Variants in ENTREP1 observed in about 807,000 individuals in gnomAD.
The protein encoded by ENTREP1 is Friedreich ataxia region gene X123.
the ENTREP1 span, among the ~76,000 whole-genome samples, chr9:69,350,709 T>C: frequency 6.6e-6 from 1 of 152,218 alleles, no homozygotes; most frequent in Non-Finnish European, 1.5e-5. Flanking sequence ...GTATCTTTGT[T>C]CTCACCCTCT....
At chr9:69,386,318 C>A in the ENTREP1 span, 53,105 of 156,948 alleles carry the variant, frequency 0.34, 10,376 homozygotes, top group Admixed American at 0.42. Flanking sequence ...TTTTTGTATA[C>A]TCCCTCTTTT....
chr9:69,325,767 A>T, the ENTREP1 span: 1 of 1,217,776 alleles, frequency 8.2e-7, no homozygotes, highest in South Asian at 4.1e-5. Flanking sequence ...CATCCCGGTG[A>T]TAGGGGGCTC....
At chr9:69,340,803 GTGTGTGTGTA>G in the ENTREP1 span, among the ~76,000 whole-genome samples, 15 of 58,212 alleles carry the variant, frequency 2.6e-4, 1 homozygote, top group Admixed American at 6.5e-4. Context: ...GTGTGTGCAT[GTGTGTGTGTA>G]TGTGTGTGTG....
At chr9:69,340,653 ATGTGTGTGTGTGCG>A in the ENTREP1 span, among the ~76,000 whole-genome samples, 1 of 98,738 alleles carries the variant, frequency 1.0e-5, no homozygotes, top group African/African-American at 3.8e-5. Context: ...GTGTGTGTGC[ATGTGTGTGTGTGCG>A]TGTGTGTGTG....
chr9:69,383,580 C>T, the ENTREP1 span: 37 of 1,609,498 alleles, frequency 2.3e-5, no homozygotes, highest in East Asian at 1.1e-4. Flanking sequence ...ACTGCAGTCA[C>T]GTGGCCAGTC....
chr9:69,375,713 T>G, the ENTREP1 span: 5 of 1,593,998 alleles, frequency 3.1e-6, no homozygotes, highest in East Asian at 1.1e-4. Flanking sequence ...TAAAGTATTT[T>G]TTTTTACCTT....
chr9:69,354,449 G>A, the ENTREP1 span, among the ~76,000 whole-genome samples: 1 of 151,916 alleles, frequency 6.6e-6, no homozygotes, highest in Non-Finnish European at 1.5e-5. Flanking sequence ...GTAGAGACAG[G>A]GTTTCACCAT....
the ENTREP1 span, chr9:69,325,305 C>T: frequency 1.7e-6 from 2 of 1,181,568 alleles, no homozygotes; most frequent in African/African-American, 3.2e-5. Flanking sequence ...CTTCCCCGTC[C>T]GTCCATGTCC....
At chr9:69,360,019 C>A in the ENTREP1 span, among the ~76,000 whole-genome samples, 2 of 149,932 alleles carry the variant, frequency 1.3e-5, no homozygotes, top group Non-Finnish European at 3.0e-5. Flanking sequence ...TGAGGTATCA[C>A]TCATTTTTTA....
the ENTREP1 span, among the ~76,000 whole-genome samples, chr9:69,367,732 T>A: frequency 5.7e-5 from 6 of 104,982 alleles, no homozygotes; most frequent in East Asian, 1.0e-3. Flanking sequence ...TATATAAAAA[T>A]ATATATATAC....
chr9:69,355,840 G>A, the ENTREP1 span, among the ~76,000 whole-genome samples: 7 of 152,112 alleles, frequency 4.6e-5, no homozygotes, highest in African/African-American at 7.2e-5. Flanking sequence ...GTGAACATGC[G>A]ACCTCCTCAT....
the ENTREP1 span, among the ~76,000 whole-genome samples, chr9:69,378,426 T>C: frequency 6.6e-6 from 1 of 152,212 alleles, no homozygotes; most frequent in Non-Finnish European, 1.5e-5. Context: ...GCCGCATACA[T>C]CTGTCTGATT....
the ENTREP1 span, chr9:69,392,305 ACT>A: frequency 6.3e-6 from 1 of 158,872 alleles, no homozygotes; most frequent in African/African-American, 2.4e-5. Flanking sequence ...CTCAAATCAC[ACT>A]CTCTTTAGGC....
the ENTREP1 span, among the ~76,000 whole-genome samples, chr9:69,326,715 C>A: frequency 6.7e-6 from 1 of 149,632 alleles, no homozygotes; most frequent in Admixed American, 6.7e-5. Context: ...CTCTTTATAT[C>A]TTTTTTTTTT....
the ENTREP1 span, among the ~76,000 whole-genome samples, chr9:69,379,377 A>T: frequency 6.6e-6 from 1 of 152,300 alleles, no homozygotes; most frequent in East Asian, 1.9e-4. Flanking sequence ...AGGGGCAGAG[A>T]TGACTGCAAA....
the ENTREP1 span, chr9:69,371,618 T>G: frequency 4.5e-5 from 70 of 1,548,504 alleles, 1 homozygote; most frequent in Non-Finnish European, 5.9e-5. Flanking sequence ...TGGTAAGCAG[T>G]CCTAAAACAT....
At chr9:69,360,979 AT>A in the ENTREP1 span, among the ~76,000 whole-genome samples, 33 of 152,160 alleles carry the variant, frequency 2.2e-4, no homozygotes, top group African/African-American at 7.7e-4. Context: ...CAAAATTGGA[AT>A]TCTCTCTCAA....
chr9:69,351,801 C>G, the ENTREP1 span, among the ~76,000 whole-genome samples: 18 of 152,142 alleles, frequency 1.2e-4, no homozygotes, highest in African/African-American at 4.1e-4. Context: ...TTGGACTGAA[C>G]CTCTTTGTTT....
chr9:69,336,816 A>G, the ENTREP1 span, among the ~76,000 whole-genome samples: 1 of 151,450 alleles, frequency 6.6e-6, no homozygotes, highest in African/African-American at 2.4e-5. Context: ...GGTTCAAGCA[A>G]TCCTCCCAAG....
Sources: allele counts gnomAD v4.1 joint callset (sites outside exome capture counted in the v4.1 genomes callset), GRCh38; gene constraint gnomAD v4.1.1; transcripts MANE v1.5; gene names NCBI Gene and HGNC (gene_info 2026-07-23, HGNC 2026-07-21).